The following ZFPM1 variants were observed in gnomAD, a reference collection of about 807,000 sequenced individuals.
ZFPM1 encodes zinc finger protein, FOG family member 1.
Under a neutral mutation model 46.3 loss-of-function variants are expected in ZFPM1, and 28 were observed. That is an observed-to-expected ratio of 0.60 (90% CI 0.45 to 0.83). The LOEUF (loss-of-function observed/expected upper bound fraction) is 0.83, where lower values mean the gene tolerates loss of function less well. ZFPM1 is among the 40% of genes least tolerant of loss of function. The pLI, the probability that ZFPM1 is intolerant of heterozygous loss-of-function variation, is 0.00. For missense variants in ZFPM1, 1,878 were observed against 1,432.4 expected, an observed-to-expected ratio of 1.31 and a Z score of -5.02; for synonymous variants, 957 against 675.9, an observed-to-expected ratio of 1.42 and a Z score of -6.45.
Position 88,497,355 on chromosome 16 carries a change from T to A in ZFPM1, c.268+8202T>A, listed in dbSNP as rs1909988015. Among the ~76,000 whole-genome samples, 1 of 149,406 alleles carries A rather than the reference T, an allele frequency of 6.7e-6. No individual in the cohort carries two copies. The highest frequency in any genetic ancestry group is 2.5e-5 in the African/African-American group (1 of 40,392). ...ACAAGGAGCTGGCTCAGGGCCTGAGTTTCAAGTGGTCAGTGGTGGCTGGAA... is the reference window on the plus strand; with the variant it reads ...ACAAGGAGCTGGCTCAGGGCCTGAGATTCAAGTGGTCAGTGGTGGCTGGAA... On this transcript the variant is annotated intron_variant, in intron 3 of 9. Transcript: ENST00000319555. The surrounding 1 kb of genome is among the most constrained non-coding windows in gnomAD (Gnocchi z 5.4).
chr16:88,489,275 A>G (rs1428707567), intron 3 of ZFPM1, 122 bp downstream of exon 3: 9 of 1,407,224 alleles, frequency 6.4e-6, no homozygotes, highest in Non-Finnish European at 5.6e-6. Flanking sequence ...CACCAGGCCC[A>G]GGCCTGTGCC....
At chr16:88,532,419 G>A (rs1311710313) in intron 7 of ZFPM1, among the ~76,000 whole-genome samples, 184 bp downstream of exon 7, 1 of 152,204 alleles carries the variant, frequency 6.6e-6, no homozygotes. Flanking sequence ...GGGCTATCTG[G>A]GTAGTCAGCT....
At chr16:88,467,729 T>C (rs1358019187) in intron 1 of ZFPM1, among the ~76,000 whole-genome samples, 1 of 152,136 alleles carries the variant, frequency 6.6e-6, no homozygotes, top group African/African-American at 2.4e-5. Flanking sequence ...CCCGTGCCCT[T>C]TGTGGCTGGG....
At chr16:88,528,361 G>GT in intron 6 of ZFPM1, 123 bp downstream of exon 6, 1 of 1,148,748 alleles carries the variant, frequency 8.7e-7, no homozygotes, top group Non-Finnish European at 1.2e-6. Flanking sequence ...AGAGTGAGAG[G>GT]TAAGGCAGGG....
At chr16:88,530,120 C>T (rs1019831131) in intron 6 of ZFPM1, among the ~76,000 whole-genome samples, 4 of 152,148 alleles carry the variant, frequency 2.6e-5, no homozygotes, top group South Asian at 2.1e-4. Context: ...TGCACCCCTC[C>T]ACCAGGATGG....
intron 3 of ZFPM1, among the ~76,000 whole-genome samples, chr16:88,499,165 C>T (rs1376515671): frequency 6.6e-6 from 1 of 152,196 alleles, no homozygotes; most frequent in Non-Finnish European, 1.5e-5. Context: ...CCGCACCCAC[C>T]CCAGCCCTGG....
At chr16:88,496,758 G>A (rs751429582) in intron 3 of ZFPM1, among the ~76,000 whole-genome samples, 2 of 152,158 alleles carry the variant, frequency 1.3e-5, no homozygotes, top group Non-Finnish European at 2.9e-5. Flanking sequence ...CGGGGCTTGA[G>A]GAGATCGCCT....
At chr16:88,519,908 C>A (rs574540008) in intron 4 of ZFPM1, among the ~76,000 whole-genome samples, 1 of 136,156 alleles carries the variant, frequency 7.3e-6, no homozygotes, top group East Asian at 2.4e-4. Context: ...GATGGATTGA[C>A]GGCTGGGTAG....
At chr16:88,519,020 G>A (rs1911573942) in intron 4 of ZFPM1, among the ~76,000 whole-genome samples, 1 of 149,248 alleles carries the variant, frequency 6.7e-6, no homozygotes, top group Admixed American at 6.7e-5. Context: ...ATGGATGAGT[G>A]GGTGGGTGGA....
At chr16:88,485,123 T>A (rs540755254) in intron 1 of ZFPM1, among the ~76,000 whole-genome samples, 2 of 152,176 alleles carry the variant, frequency 1.3e-5, no homozygotes, top group Non-Finnish European at 2.9e-5. Flanking sequence ...ACTGGGCCCC[T>A]GGGCGGGGCA....
intron 3 of ZFPM1, among the ~76,000 whole-genome samples, chr16:88,509,626 C>G (rs925067494): frequency 6.6e-6 from 1 of 152,212 alleles, no homozygotes; most frequent in Non-Finnish European, 1.5e-5. Context: ...CCTGGGGAGG[C>G]GGGCGGCTGA....
rs1912758316 is a variant in ZFPM1, at chr16:88,531,201, C to T, written c.713-801C>T. ...GCCAAGCTGAACAGGTCCTTCCCTTCCCTGTCTTCAGCCAAGGGGCCATGG... is the reference window on the plus strand; with the variant it reads ...GCCAAGCTGAACAGGTCCTTCCCTTTCCTGTCTTCAGCCAAGGGGCCATGG... On this transcript the variant is annotated intron_variant, in intron 6 of 9. Coordinates refer to ENST00000319555, the MANE Select transcript of ZFPM1 (RefSeq NM_153813.3). 3 of 152,308 alleles carry T rather than the reference C, an allele frequency of 2.0e-5. No individual in the cohort carries two copies. The South Asian group carries it at 6.2e-4, about 32-fold the overall frequency. 9.4% of individuals were successfully genotyped at this position (152,308 alleles called of 1,614,324 possible). A position where few individuals can be genotyped will look rare whatever the true frequency, so the allele number is the denominator to read the frequency against.
chr16:88,528,850 C>T (rs1398714237), intron 6 of ZFPM1, among the ~76,000 whole-genome samples: 1 of 152,234 alleles, frequency 6.6e-6, no homozygotes, highest in Non-Finnish European at 1.5e-5. Context: ...ACTTCAGGCA[C>T]ACGCCACCAA....
At chr16:88,467,262 A>T (rs574202914) in intron 1 of ZFPM1, among the ~76,000 whole-genome samples, 2 of 152,234 alleles carry the variant, frequency 1.3e-5, no homozygotes, top group South Asian at 4.1e-4. Context: ...GCAGCAAACA[A>T]GCAGGGGGTA....
At chr16:88,492,681 G>A (rs1198621059) in intron 3 of ZFPM1, among the ~76,000 whole-genome samples, 1 of 152,224 alleles carries the variant, frequency 6.6e-6, no homozygotes, top group African/African-American at 2.4e-5. Flanking sequence ...TCCAGAAGGT[G>A]GACGGTGTTA....
chr16:88,472,911 G>T (rs1457277158), intron 1 of ZFPM1, among the ~76,000 whole-genome samples: 1 of 152,258 alleles, frequency 6.6e-6, no homozygotes, highest in East Asian at 1.9e-4. Context: ...CGGGGCAGCA[G>T]GCCCAGGGCA....
intron 3 of ZFPM1, among the ~76,000 whole-genome samples, chr16:88,502,059 C>T (rs540721331): frequency 7.3e-6 from 1 of 137,296 alleles, no homozygotes; most frequent in African/African-American, 2.7e-5. Flanking sequence ...TCCACCCGCC[C>T]CCCCCCATTT....
chr16:88,511,943 A>T (rs4782374), intron 3 of ZFPM1, among the ~76,000 whole-genome samples: 10,254 of 150,922 alleles, frequency 0.068, 552 homozygotes, highest in East Asian at 0.29. Flanking sequence ...CCAGCCCCAC[A>T]CCCCTCCGAT....
At position 88,453,672 on chromosome 16, in the gene ZFPM1, A is replaced by C; in HGVS notation, c.34A>C (p.Ile12Leu). The change falls in exon 1 of 10, where the codon ATC (isoleucine) becomes CTC (leucine). Residue 12 changes from isoleucine to leucine, a missense_variant. Transcript: ENST00000319555. Reference protein sequence around the residue: ...SRRKQSNPRQIKRSLGDMEAR... With the variant: ...SRRKQSNPRQLKRSLGDMEAR... ...GCGGAAACAGAGCAACCCCCGGCAG[A>C]TCAAGCGTGAGTCAAACTTTGCCCG... 1 of 1,200,506 alleles carries C rather than the reference A, an allele frequency of 8.3e-7. No individual in the cohort carries two copies. Among genetic ancestry groups the C allele is most frequent in the Non-Finnish European group, 1.1e-6 (1 of 949,570 alleles). 74.4% of individuals were successfully genotyped at this position (1,200,506 alleles called of 1,614,324 possible).
Sources: allele counts gnomAD v4.1 joint callset (sites outside exome capture counted in the v4.1 genomes callset), GRCh38; gene constraint gnomAD v4.1.1; non-coding constraint Gnocchi (gnomAD v3.1); transcripts MANE v1.5; gene names NCBI Gene and HGNC (gene_info 2026-07-23, HGNC 2026-07-21).